The following PLSCR4 variants were observed in gnomAD, a reference collection of about 807,000 sequenced individuals.
The protein encoded by PLSCR4 is phospholipid scramblase 4.
Under a neutral mutation model 36.3 loss-of-function variants are expected in PLSCR4, and 25 were observed. That is an observed-to-expected ratio of 0.69 (90% CI 0.50 to 0.96). The LOEUF (loss-of-function observed/expected upper bound fraction) is 0.96. PLSCR4 is among the 40% of genes least tolerant of loss of function. PLSCR4 has a pLI of 0.00. For missense variants in PLSCR4, 408 were observed against 414.7 expected (o/e 0.98, Z 0.14); for synonymous variants, 122 against 132.9 (o/e 0.92, Z 0.56).
chr3:146,192,515 T>C lies in PLSCR4; in HGVS notation c.*1896A>G, dbSNP rs1448341498. ...AAAACTATGACATATGACAATATTA[T>C]ATAAAGAAAATTTTAACTCTAAGAG... On this transcript the variant is annotated 3_prime_UTR_variant, in exon 9 of 9. Transcript: ENST00000354952. 1 of 151,388 alleles carries C rather than the reference T, an allele frequency of 6.6e-6. No individual in the cohort carries two copies. Among genetic ancestry groups the C allele is most frequent in the African/African-American group, 2.4e-5 (1 of 41,330 alleles). 9.4% of individuals were successfully genotyped at this position (151,388 alleles called of 1,614,324 possible). A position where few individuals can be genotyped will look rare whatever the true frequency, so the allele number is the denominator to read the frequency against.
chr3:146,249,079 G>C (rs1324829608), intron 1 of PLSCR4, among the ~76,000 whole-genome samples: 2 of 151,848 alleles, frequency 1.3e-5, no homozygotes, highest in Non-Finnish European at 2.9e-5. Context: ...AAGATTTCTA[G>C]GTATATTAGC....
intron 6 of PLSCR4, among the ~76,000 whole-genome samples, chr3:146,197,750 C>G (rs564055531): frequency 6.6e-6 from 1 of 152,118 alleles, no homozygotes; most frequent in South Asian, 2.1e-4. Flanking sequence ...TTGACTATTT[C>G]TCTGGTGTTA....
At chr3:146,238,652 G>T (rs745695918) in intron 1 of PLSCR4, among the ~76,000 whole-genome samples, 1 of 151,942 alleles carries the variant, frequency 6.6e-6, no homozygotes, top group African/African-American at 2.4e-5. Context: ...TCTTGATCTC[G>T]TAAGAAACTT....
intron 1 of PLSCR4, among the ~76,000 whole-genome samples, chr3:146,246,369 AG>A (rs1372764282): frequency 6.6e-6 from 1 of 152,046 alleles, no homozygotes; most frequent in Non-Finnish European, 1.5e-5. Context: ...CTCCTTCAAA[AG>A]AAAAAGTGTA....
intron 3 of PLSCR4, among the ~76,000 whole-genome samples, chr3:146,208,017 T>G (rs2108247593): frequency 6.6e-6 from 1 of 152,172 alleles, no homozygotes; most frequent in East Asian, 1.9e-4. Context: ...AGGCATCACA[T>G]TACTTGATTT....
chr3:146,207,388 A>G (rs1011733945), intron 3 of PLSCR4, among the ~76,000 whole-genome samples: 1 of 152,138 alleles, frequency 6.6e-6, no homozygotes, highest in African/African-American at 2.4e-5. Context: ...CAAAATAAGC[A>G]CAAACTGAGT....
chr3:146,200,603 T>C (rs2033993329), intron 5 of PLSCR4, among the ~76,000 whole-genome samples: 1 of 152,082 alleles, frequency 6.6e-6, no homozygotes, highest in African/African-American at 2.4e-5. Context: ...GCACTACGAT[T>C]TGGCAGATTT....
At chr3:146,247,810 T>G (rs1318886162) in intron 1 of PLSCR4, among the ~76,000 whole-genome samples, 1 of 152,036 alleles carries the variant, frequency 6.6e-6, no homozygotes, top group Non-Finnish European at 1.5e-5. Context: ...TTTTTAGAGG[T>G]GGGGTATCGC....
chr3:146,211,237 T>G (rs1399987195), intron 3 of PLSCR4, among the ~76,000 whole-genome samples: 1 of 152,140 alleles, frequency 6.6e-6, no homozygotes, highest in Non-Finnish European at 1.5e-5. Context: ...GTTTTTATTT[T>G]AGTCATCTTA....
At chr3:146,202,663 C>A (rs902545426) in intron 4 of PLSCR4, among the ~76,000 whole-genome samples, 2 of 151,984 alleles carry the variant, frequency 1.3e-5, no homozygotes, top group African/African-American at 4.8e-5. Context: ...TGAAAGATTT[C>A]CTTGTAGCAC....
chr3:146,203,143 A>G (rs979544210), intron 4 of PLSCR4, among the ~76,000 whole-genome samples: 12 of 151,956 alleles, frequency 7.9e-5, no homozygotes, highest in Non-Finnish European at 1.6e-4. Flanking sequence ...TTTTCAATTT[A>G]TTTTGCCCAG....
At chr3:146,245,488 C>T (rs950980962) in intron 1 of PLSCR4, among the ~76,000 whole-genome samples, 1 of 151,692 alleles carries the variant, frequency 6.6e-6, no homozygotes, top group Non-Finnish European at 1.5e-5. Context: ...GAATGCAAAA[C>T]GAAAATAGTA....
At chr3:146,214,126 T>TAATGGAGGTGTTTATAGC (rs1396149660) in intron 3 of PLSCR4, among the ~76,000 whole-genome samples, 7 of 43,144 alleles carry the variant, frequency 1.6e-4, no homozygotes, top group South Asian at 2.3e-3. Flanking sequence ...CCTTTTTTTT[T>TAATGGAGGTGTTTATAGC]TTTTTTTTTT....
At chr3:146,204,395 T>A (rs1005591009) in intron 4 of PLSCR4, among the ~76,000 whole-genome samples, 2 of 151,968 alleles carry the variant, frequency 1.3e-5, no homozygotes, top group African/African-American at 2.4e-5. Context: ...GTCAAAAATA[T>A]TAGGCACATT....
intron 1 of PLSCR4, among the ~76,000 whole-genome samples, chr3:146,230,134 G>C (rs1004177408): frequency 5.9e-5 from 9 of 152,108 alleles, no homozygotes; most frequent in African/African-American, 2.2e-4. Flanking sequence ...AGCCTGTGGA[G>C]TTGCAAATTC....
Position 146,206,839 on chromosome 3 carries a change from A to C in PLSCR4, c.119-78T>G, listed in dbSNP as rs111560167. On this transcript the variant is annotated intron_variant, in intron 3 of 8. Coordinates refer to ENST00000354952, the MANE Select transcript of PLSCR4 (RefSeq NM_020353.3). ...TAACTTTTTACATGCGATGAAATAGATCACACGACATCCACTTAAATATAA... is the reference window on the plus strand; with the variant it reads ...TAACTTTTTACATGCGATGAAATAGCTCACACGACATCCACTTAAATATAA... The C allele has an allele frequency of 2.8e-4, 236 of 853,068 alleles. No individual in the cohort carries two copies. In the African/African-American group the frequency reaches 3.7e-3, roughly 13 times the overall value. The allele number at this position is 853,068 out of a possible 1,614,324, so 52.8% of individuals were successfully genotyped here.
rs778192891 is a variant in PLSCR4 at position 146,195,385 on chromosome 3, CTA to C, written c.787-105_787-104del. 1.1e-4 allele frequency: 100 copies of C among 922,162 alleles called. 1 individual carries two copies. Among genetic ancestry groups the C allele is most frequent in the Non-Finnish European group, 1.5e-4 (91 of 596,224 alleles). 57.1% of individuals were successfully genotyped at this position (922,162 alleles called of 1,614,324 possible). On this transcript the variant is annotated intron_variant, in intron 7 of 8. Transcript: ENST00000354952. ...AACATAAATACAATGCAGAAAAAGA[CTA>C]TGTAATTATATAATTTGAAATGAGA...
intron 3 of PLSCR4, among the ~76,000 whole-genome samples, chr3:146,218,766 G>A (rs1163630139): frequency 3.3e-5 from 5 of 152,112 alleles, no homozygotes; most frequent in South Asian, 2.1e-4. Context: ...GTTACGGAGC[G>A]TTGTCCTACC....
intron 1 of PLSCR4, among the ~76,000 whole-genome samples, chr3:146,225,481 G>C (rs2035415159): frequency 6.6e-6 from 1 of 152,220 alleles, no homozygotes; most frequent in Admixed American, 6.5e-5. Context: ...GTGGAGCAGG[G>C]GGTGGTGCTC....
Sources: gnomAD v4.1 joint callset for allele counts (sites outside exome capture counted in the v4.1 genomes callset) on GRCh38, gnomAD v4.1.1 for gene constraint, MANE v1.5 for transcripts, NCBI Gene and HGNC (gene_info 2026-07-23, HGNC 2026-07-21) for gene names.